ME1: variants seen among roughly 807,000 people sequenced by gnomAD.
The protein encoded by ME1 is NADP-dependent malic enzyme.
In ME1, 74 loss-of-function variants were observed where a neutral mutation model predicts 66.4. The observed-to-expected ratio is 1.11, with a 90% confidence interval of 0.92 to 1.35. The LOEUF (loss-of-function observed/expected upper bound fraction) is 1.35, where lower values mean the gene tolerates loss of function less well. Among genes scored for constraint, ME1 ranks in the 40% most tolerant of loss-of-function variants. ME1 has a pLI of 0.00. For synonymous variants in ME1, 251 were observed against 235.6 expected, an observed-to-expected ratio of 1.07 and a Z score of -0.60; for missense variants, 750 against 694.1, an observed-to-expected ratio of 1.08 and a Z score of -0.90.
chr6:83,396,590 A>G (rs1161839757), intron 3 of ME1, among the ~76,000 whole-genome samples: 3 of 152,198 alleles, frequency 2.0e-5, no homozygotes, highest in Non-Finnish European at 4.4e-5. Context: ...CAGAGTTCCA[A>G]TGACATTTTT....
intron 3 of ME1, among the ~76,000 whole-genome samples, chr6:83,359,551 A>T (rs920992270): frequency 1.3e-5 from 2 of 152,186 alleles, no homozygotes; most frequent in Admixed American, 6.5e-5. Flanking sequence ...AAGTTCTAAT[A>T]GTTTATTTAC....
intron 7 of ME1, among the ~76,000 whole-genome samples, chr6:83,244,629 T>G (rs1329931967): frequency 1.3e-5 from 2 of 152,104 alleles, no homozygotes; most frequent in Admixed American, 1.3e-4. Flanking sequence ...GCACAAAGCT[T>G]GTGCTTCCTG....
chr6:83,375,452 A>G (rs1476016609), intron 3 of ME1, among the ~76,000 whole-genome samples: 1 of 152,120 alleles, frequency 6.6e-6, no homozygotes, highest in Non-Finnish European at 1.5e-5. Flanking sequence ...TGGTATCCTG[A>G]GACTTTGCTG....
intron 9 of ME1, chr6:83,229,336 C>T (rs1419914608): frequency 3.7e-6 from 1 of 269,108 alleles, no homozygotes; most frequent in Non-Finnish European, 7.2e-6. Flanking sequence ...CCAATTTATG[C>T]TACTGACTAA....
chr6:83,357,933 CTCTATATATATATATATATATATA>C (rs1308792801), intron 3 of ME1, among the ~76,000 whole-genome samples: 8 of 44,966 alleles, frequency 1.8e-4, no homozygotes, highest in Non-Finnish European at 3.4e-4. Context: ...CTCTCTCTCT[CTCTATATATATATATATATATATA>C]TATATATATA....
chr6:83,419,372 G>T (rs190784132), intron 1 of ME1, among the ~76,000 whole-genome samples: 1 of 152,020 alleles, frequency 6.6e-6, no homozygotes, highest in East Asian at 1.9e-4. Context: ...ATCTGTTTTC[G>T]GTGTCTCTAT....
chr6:83,404,256 GTGA>G (rs1395521128), intron 2 of ME1, among the ~76,000 whole-genome samples: 15 of 145,116 alleles, frequency 1.0e-4, no homozygotes, highest in East Asian at 3.9e-4. Flanking sequence ...CTAATGACCA[GTGA>G]TGATGAGTTT....
intron 6 of ME1, among the ~76,000 whole-genome samples, chr6:83,307,718 AAAG>A (rs1465292297): frequency 1.3e-4 from 20 of 152,078 alleles, no homozygotes; most frequent in Admixed American, 1.3e-4. Context: ...AGAAATGGAG[AAAG>A]AAGGAGGGCA....
Position 83,346,125 on chromosome 6 carries a change from T to C in ME1, c.600+48A>G, listed in dbSNP as rs199784313. 2.3e-5 allele frequency: 32 copies of C among 1,370,768 alleles called. No individual in the cohort carries two copies. The East Asian group carries it at 7.7e-4, about 33-fold the overall frequency. 84.9% of individuals were successfully genotyped at this position (1,370,768 alleles called of 1,614,324 possible). On this transcript the variant is annotated intron_variant, in intron 5 of 13. Transcript: ENST00000369705. ...AATAAGTTCAAAATGCAAGAATTGA[T>C]GCCATTTTTAAAGGTACATAGCTGC...
At chr6:83,263,226 C>A (rs893921168) in intron 6 of ME1, among the ~76,000 whole-genome samples, 8 of 152,256 alleles carry the variant, frequency 5.3e-5, no homozygotes, top group African/African-American at 1.9e-4. Context: ...ACTGGCCACA[C>A]CCATGACTCT....
intron 6 of ME1, among the ~76,000 whole-genome samples, chr6:83,295,946 A>T (rs1767590733): frequency 6.6e-6 from 1 of 152,094 alleles, no homozygotes; most frequent in African/African-American, 2.4e-5. Context: ...TGGACATATA[A>T]ACTCTCCCAA....
At chr6:83,332,093 TAAAG>T (rs1768423952) in intron 5 of ME1, among the ~76,000 whole-genome samples, 1 of 152,088 alleles carries the variant, frequency 6.6e-6, no homozygotes, top group South Asian at 2.1e-4. Context: ...GCTTCACAAT[TAAAG>T]AAAATATGGA....
chr6:83,381,552 T>G (rs13216043), intron 3 of ME1, among the ~76,000 whole-genome samples: 1 of 152,070 alleles, frequency 6.6e-6, no homozygotes, highest in Admixed American at 6.6e-5. Context: ...TATACCTACA[T>G]GCTGTGTGTC....
At chr6:83,267,101 T>G (rs1222405147) in intron 6 of ME1, among the ~76,000 whole-genome samples, 1 of 152,200 alleles carries the variant, frequency 6.6e-6, no homozygotes, top group African/African-American at 2.4e-5. Flanking sequence ...GGTAGTTTAC[T>G]GAGTTTACTA....
Position 83,260,690 on chromosome 6 carries a change from C to T in ME1, c.705-6952G>A, listed in dbSNP as rs189432197. ...TTTAACTCCCACTTATAAGTGAGAA[C>T]ACACAGTACTTGGTTTTCTGTTCTT... On this transcript the variant is annotated intron_variant, in intron 6 of 13. Coordinates refer to ENST00000369705, the MANE Select transcript of ME1 (RefSeq NM_002395.6). Among the ~76,000 whole-genome samples, 15 of 152,298 alleles carry T rather than the reference C, an allele frequency of 9.8e-5. No homozygotes were observed. In the East Asian group the frequency reaches 2.3e-3, roughly 24 times the overall value.
At chr6:83,283,399 C>T (rs1166744148) in intron 6 of ME1, among the ~76,000 whole-genome samples, 1 of 151,430 alleles carries the variant, frequency 6.6e-6, no homozygotes, top group East Asian at 1.9e-4. Context: ...GGGAGGGTAA[C>T]ATCACACACC....
At chr6:83,418,794 T>C (rs1207174896) in intron 1 of ME1, among the ~76,000 whole-genome samples, 2 of 152,106 alleles carry the variant, frequency 1.3e-5, no homozygotes, top group South Asian at 2.1e-4. Flanking sequence ...GCTACACAAA[T>C]AACTATAACA....
At chr6:83,298,931 GTTTTTTTTTTTTTTTTTTTTTT>G (rs61055748) in intron 6 of ME1, among the ~76,000 whole-genome samples, 45 of 22,498 alleles carry the variant, frequency 2.0e-3, no homozygotes, top group Non-Finnish European at 2.6e-3. Flanking sequence ...CTATGTGTCT[GTTTTTTTTTTTTTTTTTTTTTT>G]TTTTTTTTTT....
At chr6:83,279,828 A>AT (rs1472634003) in intron 6 of ME1, among the ~76,000 whole-genome samples, 1 of 152,216 alleles carries the variant, frequency 6.6e-6, no homozygotes, top group Non-Finnish European at 1.5e-5. Context: ...ACACATAGGC[A>AT]TATCAGAGTT....
Sources: gnomAD v4.1 joint callset for allele counts (sites outside exome capture counted in the v4.1 genomes callset) on GRCh38, gnomAD v4.1.1 for gene constraint, MANE v1.5 for transcripts, NCBI Gene and HGNC (gene_info 2026-07-23, HGNC 2026-07-21) for gene names.